Variants in GABBR2 observed in about 807,000 individuals in gnomAD.
GABBR2 encodes the protein gamma-aminobutyric acid type B receptor subunit 2.
In GABBR2, 23 loss-of-function variants were observed where a neutral mutation model predicts 105.6. The observed-to-expected ratio is 0.22, with a 90% CI of 0.16 to 0.31. The LOEUF is 0.31. GABBR2 is among the 10% of genes least tolerant of loss of function. GABBR2 has a pLI of 1.00. For synonymous variants in GABBR2, 478 were observed against 499.7 expected, an observed-to-expected ratio of 0.96 and a Z score of 0.58; for missense variants, 734 against 1,245.5, an observed-to-expected ratio of 0.59 and a Z score of 6.18.
chr9:98,492,631 T>G, intron 4 of GABBR2, among the ~76,000 whole-genome samples: 1 of 152,152 alleles, frequency 6.6e-6, no homozygotes. Context: ...CATGCCTCCT[T>G]CAGCTCCTTT....
chr9:98,424,952 T>A (rs1177415240), intron 7 of GABBR2, among the ~76,000 whole-genome samples: 1 of 151,856 alleles, frequency 6.6e-6, no homozygotes, highest in Non-Finnish European at 1.5e-5. Context: ...AAGCTACCAA[T>A]GACTGTCTTC....
chr9:98,496,444 T>A lies in GABBR2; in HGVS notation c.701A>T (p.Asn234Ile). The change falls in exon 4 of 19, where the codon AAC becomes ATC. Residue 234 changes from asparagine (N) to isoleucine (I), a missense_variant. Physicochemically the swap from Asn to Ile is moderately radical, Grantham distance 149 (BLOSUM62 -3). Transcript: ENST00000259455. ...IEISDTESFS[N>I]DPCTSVKKLK... is the part of the protein sequence containing the mutation. ...CTTTTTGACACTGGTACAGGGATCG[T>A]TGGAGAAGCTCTCGGTGTCTGAAAT... 1 of 1,612,542 alleles carries A rather than the reference T, an allele frequency of 6.2e-7. No individual in the cohort carries two copies. Among genetic ancestry groups the A allele is most frequent in the South Asian group, 1.1e-5 (1 of 91,038 alleles).
chr9:98,422,220 A>G (rs1832793636), intron 7 of GABBR2, among the ~76,000 whole-genome samples: 1 of 152,260 alleles, frequency 6.6e-6, no homozygotes, highest in Non-Finnish European at 1.5e-5. Context: ...AAGATGCTTA[A>G]TATCATTAGA....
At chr9:98,336,703 C>T (rs1029597547) in intron 13 of GABBR2, among the ~76,000 whole-genome samples, 6 of 151,550 alleles carry the variant, frequency 4.0e-5, no homozygotes, top group African/African-American at 1.5e-4. Flanking sequence ...GACTCTGTCT[C>T]AAAAACAAAA....
chr9:98,640,089 T>C (rs1026764503), intron 1 of GABBR2, among the ~76,000 whole-genome samples: 10 of 149,550 alleles, frequency 6.7e-5, no homozygotes, highest in African/African-American at 2.0e-4. Context: ...ATTTGAATAG[T>C]TTTTAAAGTT....
In GABBR2 at chr9:98,605,128, C is replaced by A. The variant is rs190376663; in HGVS notation, c.322-27056G>T. On this transcript the variant is annotated intron_variant, in intron 1 of 18. Transcript: ENST00000259455. ...AACAAGTCAGGGTGTGCCCATGAGA[C>A]GAAACCAGGGCAGCAATGCCCCTCT... 1.5e-3 allele frequency among the ~76,000 whole-genome samples: 232 copies of A among 152,350 alleles called. 1 individual carries two copies. The highest frequency in any genetic ancestry group is 5.4e-3 in the African/African-American group (226 of 41,586).
At chr9:98,647,055 AATAT>A (rs1378103033) in intron 1 of GABBR2, among the ~76,000 whole-genome samples, 1 of 152,216 alleles carries the variant, frequency 6.6e-6, no homozygotes, top group Non-Finnish European at 1.5e-5. Flanking sequence ...ATCTGTTTGC[AATAT>A]AAGAAAAAAT....
At chr9:98,353,520 C>T (rs1831436219) in intron 13 of GABBR2, among the ~76,000 whole-genome samples, 1 of 152,092 alleles carries the variant, frequency 6.6e-6, no homozygotes, top group Admixed American at 6.5e-5. Context: ...TTGCCCAGAT[C>T]CATCAGAGAA....
At chr9:98,576,714 C>T (rs1234540811) in intron 2 of GABBR2, among the ~76,000 whole-genome samples, 1 of 152,198 alleles carries the variant, frequency 6.6e-6, no homozygotes, top group Non-Finnish European at 1.5e-5. Flanking sequence ...AGAACAGTGT[C>T]TAGCACATGG....
rs1366046260 is a variant in GABBR2, at chr9:98,436,380, T to C, written c.1236+17601A>G. On this transcript the variant is annotated intron_variant, in intron 7 of 18. Coordinates refer to ENST00000259455, the MANE Select transcript of GABBR2 (RefSeq NM_005458.8). ...ATATATATATATATATATATATATA[T>C]ATATATATATATATATATATATATA... Among the ~76,000 whole-genome samples, 55 of 53,478 alleles carry C rather than the reference T, an allele frequency of 1.0e-3. 5 individuals carry two copies. The highest frequency in any genetic ancestry group is 2.8e-3 in the South Asian group (4 of 1,420). 35.1% of individuals were successfully genotyped at this position (53,478 alleles called of 152,430 possible).
intron 8 of GABBR2, among the ~76,000 whole-genome samples, chr9:98,400,325 A>G (rs1409896528): frequency 6.6e-6 from 1 of 152,184 alleles, no homozygotes; most frequent in Non-Finnish European, 1.5e-5. Context: ...GTAAAGTCAC[A>G]ATATGATATT....
At chr9:98,637,505 T>C (rs1439378943) in intron 1 of GABBR2, among the ~76,000 whole-genome samples, 1 of 152,150 alleles carries the variant, frequency 6.6e-6, no homozygotes, top group Non-Finnish European at 1.5e-5. Flanking sequence ...AAAATTAAGG[T>C]TGCTAATCAG....
At chr9:98,689,272 T>A (rs1320131203) in intron 1 of GABBR2, among the ~76,000 whole-genome samples, 9 of 152,234 alleles carry the variant, frequency 5.9e-5, no homozygotes, top group Admixed American at 5.9e-4. Context: ...TGCCTCAGTT[T>A]GAATCCCAGC....
intron 7 of GABBR2, among the ~76,000 whole-genome samples, chr9:98,438,403 T>C (rs757728992): frequency 6.6e-6 from 1 of 152,048 alleles, no homozygotes; most frequent in Non-Finnish European, 1.5e-5. Context: ...TGTAAAACCC[T>C]GAGGAGACAT....
intron 12 of GABBR2, among the ~76,000 whole-genome samples, chr9:98,369,175 GGA>G (rs1295333196): frequency 2.0e-5 from 3 of 152,186 alleles, no homozygotes; most frequent in Admixed American, 1.3e-4. Context: ...CTCATCTTAC[GGA>G]GAGTTGTCAT....
chr9:98,471,694 A>G (rs890990883), intron 6 of GABBR2, among the ~76,000 whole-genome samples: 1 of 152,106 alleles, frequency 6.6e-6, no homozygotes, highest in Non-Finnish European at 1.5e-5. Flanking sequence ...CTCTCCATTT[A>G]GTTACTGTAC....
intron 1 of GABBR2, among the ~76,000 whole-genome samples, chr9:98,646,299 T>C (rs1472594645): frequency 6.6e-6 from 1 of 152,190 alleles, no homozygotes; most frequent in Admixed American, 6.5e-5. Context: ...ACATGCCCAG[T>C]GCCCAATAAA....
intron 2 of GABBR2, among the ~76,000 whole-genome samples, chr9:98,542,928 T>C (rs1289582763): frequency 6.6e-6 from 1 of 152,012 alleles, no homozygotes; most frequent in Non-Finnish European, 1.5e-5. Context: ...AGTGGTATTC[T>C]AATGCTTTTC....
intron 3 of GABBR2, 80 bp from the exon 4 acceptor site, chr9:98,496,594 G>T: frequency 1.1e-6 from 1 of 922,168 alleles, no homozygotes. Context: ...CCCTGGGGAA[G>T]TCAATTGGGC....
Sources: gnomAD v4.1 joint callset for allele counts (sites outside exome capture counted in the v4.1 genomes callset) on GRCh38, gnomAD v4.1.1 for gene constraint, MANE v1.5 for transcripts, NCBI Gene and HGNC (gene_info 2026-07-23, HGNC 2026-07-21) for gene names.